Variants in PCSK5 observed in about 807,000 individuals in gnomAD.
The protein encoded by PCSK5 is proprotein convertase subtilisin/kexin type 5.
PCSK5 carries 129 observed loss-of-function variants against 233.2 expected under a neutral mutation model. The ratio of observed to expected loss-of-function variants is 0.55; its 90% CI spans 0.48 to 0.64. The LOEUF (loss-of-function observed/expected upper bound fraction) is 0.64, where lower values mean the gene tolerates loss of function less well. Among genes scored for constraint, PCSK5 ranks in the 30% least tolerant of loss-of-function variants. The probability of loss-of-function intolerance (pLI) is 0.00; values close to 1 mark genes in which losing one functional copy is unlikely to be tolerated. For synonymous variants in PCSK5, 825 were observed against 879.2 expected (o/e 0.94, Z 1.09); for missense variants, 2,076 against 2,430.1 (o/e 0.85, Z 3.06).
chr9:76,045,651 A>T (rs1393343125), intron 5 of PCSK5, among the ~76,000 whole-genome samples: 1 of 152,220 alleles, frequency 6.6e-6, no homozygotes, highest in East Asian at 1.9e-4. Context: ...ATGTCTCTTG[A>T]CTAATCAATT....
chr9:75,937,154 A>G (rs1012201240), intron 2 of PCSK5, among the ~76,000 whole-genome samples: 3 of 151,228 alleles, frequency 2.0e-5, no homozygotes, highest in Non-Finnish European at 4.4e-5. Context: ...CTTATGGAGC[A>G]CAGGCAGACT....
intron 2 of PCSK5, among the ~76,000 whole-genome samples, chr9:75,974,400 G>A (rs993500051): frequency 1.3e-5 from 2 of 152,210 alleles, no homozygotes; most frequent in African/African-American, 2.4e-5. Flanking sequence ...CACTCAAATT[G>A]AGAAAACATT....
At chr9:76,341,977 G>T (rs1190853415) in intron 35 of PCSK5, among the ~76,000 whole-genome samples, 1 of 152,186 alleles carries the variant, frequency 6.6e-6, no homozygotes, top group African/African-American at 2.4e-5. Context: ...TGGTAGAAAA[G>T]GTGAGCTCAC....
chr9:76,280,622 G>A (rs1827834418), intron 24 of PCSK5, among the ~76,000 whole-genome samples: 1 of 152,008 alleles, frequency 6.6e-6, no homozygotes, highest in Admixed American at 6.6e-5. Context: ...TGTAGTCCCA[G>A]CTACATGGTG....
At chr9:76,195,973 T>C (rs566930864) in intron 20 of PCSK5, 2 of 152,228 alleles carry the variant, frequency 1.3e-5, no homozygotes, top group South Asian at 4.2e-4. Context: ...AGAAGCTGAA[T>C]ATGAAGGAAA....
chr9:75,986,270 C>T (rs1288702957), intron 3 of PCSK5, 25 bp downstream of exon 3: 1 of 1,352,356 alleles, frequency 7.4e-7, no homozygotes, highest in African/African-American at 1.4e-5. Flanking sequence ...GAAGCCTGGC[C>T]TAGGGCCATG....
chr9:76,285,577 G>C (rs1014069543), intron 24 of PCSK5, among the ~76,000 whole-genome samples: 1 of 152,048 alleles, frequency 6.6e-6, no homozygotes, highest in African/African-American at 2.4e-5. Context: ...GGCTTGCATG[G>C]GGTATGAATG....
chr9:76,292,285 G>A lies in PCSK5; in HGVS notation c.3185+10G>A. 6.5e-7 allele frequency: 1 copy of A among 1,541,072 alleles called. No homozygotes were observed. The highest frequency in any genetic ancestry group is 9.0e-7 in the Non-Finnish European group (1 of 1,115,392). ...CTATGGGGTATTACAGGTAAGTCTG[G>A]TCTTCCTTTTCATGGCACTAACTTT... On this transcript the variant is annotated intron_variant, in intron 25 of 37. Transcript: ENST00000674117.
chr9:76,344,109 C>T (rs200597702), intron 35 of PCSK5, among the ~76,000 whole-genome samples: 1 of 152,190 alleles, frequency 6.6e-6, no homozygotes, highest in African/African-American at 2.4e-5. Context: ...TCAAGTTGCA[C>T]TAGCCATATT....
At chr9:76,104,322 G>A (rs939918679) in intron 8 of PCSK5, among the ~76,000 whole-genome samples, 2 of 152,040 alleles carry the variant, frequency 1.3e-5, no homozygotes, top group Non-Finnish European at 2.9e-5. Context: ...GGATGTTTTT[G>A]TTTCTTTTCT....
chr9:76,314,786 GCCA>G (rs1227894005), intron 30 of PCSK5, among the ~76,000 whole-genome samples: 1 of 147,884 alleles, frequency 6.8e-6, no homozygotes, highest in African/African-American at 2.5e-5. Flanking sequence ...ACAGGCGCAT[GCCA>G]CCACACCTGG....
At chr9:76,175,298 A>AATAGC in intron 14 of PCSK5, 169 bp downstream of exon 14, 1 of 600,800 alleles carries the variant, frequency 1.7e-6, no homozygotes, top group Non-Finnish European at 3.0e-6. Context: ...AATCGAATAG[A>AATAGC]ATAGAATAGA....
chr9:76,172,483 A>C (rs189848220), intron 13 of PCSK5, among the ~76,000 whole-genome samples: 25 of 152,344 alleles, frequency 1.6e-4, no homozygotes, highest in African/African-American at 6.0e-4. Flanking sequence ...TGAATTACAC[A>C]GGAAGGATAT....
intron 20 of PCSK5, among the ~76,000 whole-genome samples, chr9:76,192,067 CAAAAAAAAAA>C (rs5898457): frequency 9.9e-6 from 1 of 101,228 alleles, no homozygotes; most frequent in Non-Finnish European, 1.9e-5. Context: ...AAGACTGTCT[CAAAAAAAAAA>C]AAAAAAAAAA....
At chr9:76,196,048 G>A (rs549319311) in intron 20 of PCSK5, among the ~76,000 whole-genome samples, 2 of 152,296 alleles carry the variant, frequency 1.3e-5, no homozygotes, top group African/African-American at 4.8e-5. Flanking sequence ...GGAGGGAATT[G>A]AGAAGGAGTG....
chr9:76,192,001 C>T (rs1161519224), intron 20 of PCSK5, among the ~76,000 whole-genome samples: 1 of 146,212 alleles, frequency 6.8e-6, no homozygotes, highest in Non-Finnish European at 1.5e-5. Context: ...ATCACTTGAA[C>T]CCTGGAGGTG....
chr9:76,341,447 CCTT>C (rs1003076962), intron 35 of PCSK5, among the ~76,000 whole-genome samples: 2 of 152,048 alleles, frequency 1.3e-5, no homozygotes, highest in Non-Finnish European at 2.9e-5. Context: ...TGTTTGTCAT[CCTT>C]TTTTTAAACT....
chr9:76,002,823 C>G (rs1827317003), intron 3 of PCSK5, among the ~76,000 whole-genome samples: 1 of 152,198 alleles, frequency 6.6e-6, no homozygotes, highest in Non-Finnish European at 1.5e-5. Context: ...CTTTCTGCCA[C>G]TCAGTGTAGC....
intron 9 of PCSK5, among the ~76,000 whole-genome samples, chr9:76,112,520 T>C (rs556305353): frequency 2.0e-5 from 3 of 152,288 alleles, no homozygotes; most frequent in African/African-American, 7.2e-5. Context: ...ATTCACATGT[T>C]TCTAGGTAGG....
Sources: gnomAD v4.1 joint callset for allele counts (sites outside exome capture counted in the v4.1 genomes callset) on GRCh38, gnomAD v4.1.1 for gene constraint, MANE v1.5 for transcripts, NCBI Gene and HGNC (gene_info 2026-07-23, HGNC 2026-07-21) for gene names.